Variants in KCNIP4 observed in about 807,000 individuals in gnomAD.
KCNIP4 encodes the protein potassium voltage-gated channel interacting protein 4.
A neutral mutation model predicts 34.0 loss-of-function variants in KCNIP4; 12 were observed. That is an observed-to-expected ratio of 0.35 (90% CI 0.23 to 0.57). The LOEUF is 0.57. Among genes scored for constraint, KCNIP4 ranks in the 20% least tolerant of loss-of-function variants. The pLI is 0.83. For synonymous variants in KCNIP4, 124 were observed against 102.2 expected, an observed-to-expected ratio of 1.21 and a Z score of -1.29; for missense variants, 238 against 311.7, an observed-to-expected ratio of 0.76 and a Z score of 1.78.
intron 1 of KCNIP4, among the ~76,000 whole-genome samples, chr4:21,677,528 G>A (rs913467978): frequency 2.0e-5 from 3 of 152,080 alleles, no homozygotes; most frequent in Admixed American, 6.5e-5. Context: ...GCCATCTGCT[G>A]CCAATAGGGT....
At chr4:21,696,158 T>C (rs1453098284) in intron 1 of KCNIP4, among the ~76,000 whole-genome samples, 1 of 152,178 alleles carries the variant, frequency 6.6e-6, no homozygotes, top group Non-Finnish European at 1.5e-5. Context: ...TTAATATCTA[T>C]TAATATTTGA....
At chr4:20,872,458 C>A (rs1277287549) in intron 2 of KCNIP4, among the ~76,000 whole-genome samples, 1 of 151,966 alleles carries the variant, frequency 6.6e-6, no homozygotes, top group East Asian at 1.9e-4. Flanking sequence ...AAACTTGAAC[C>A]CTGCAATCTA....
chr4:21,606,311 T>C (rs556265409), intron 1 of KCNIP4, among the ~76,000 whole-genome samples: 150 of 152,254 alleles, frequency 9.9e-4, no homozygotes, highest in African/African-American at 3.3e-3. Flanking sequence ...AACATATCAC[T>C]GAGGATGGAT....
intron 1 of KCNIP4, among the ~76,000 whole-genome samples, chr4:21,927,075 C>T (rs951078522): frequency 2.0e-5 from 3 of 152,138 alleles, no homozygotes; most frequent in Admixed American, 6.5e-5. Context: ...TTTAAGGCCA[C>T]CTACATTCCT....
At chr4:21,750,062 G>A (rs1034344560) in intron 1 of KCNIP4, among the ~76,000 whole-genome samples, 2 of 152,096 alleles carry the variant, frequency 1.3e-5, no homozygotes, top group African/African-American at 4.8e-5. Flanking sequence ...CCTTCAGAGT[G>A]GAATGATGAA....
intron 1 of KCNIP4, among the ~76,000 whole-genome samples, chr4:21,273,839 C>T (rs1762292867): frequency 6.6e-6 from 1 of 152,180 alleles, no homozygotes; most frequent in Admixed American, 6.5e-5. Context: ...GCACTTTCCA[C>T]ACTTCATGTA....
At chr4:20,875,775 G>C (rs1418384098) in intron 2 of KCNIP4, among the ~76,000 whole-genome samples, 10 of 151,998 alleles carry the variant, frequency 6.6e-5, no homozygotes, top group Admixed American at 6.6e-4. Context: ...CAACATGTTG[G>C]CCATTCAAGT....
At chr4:21,404,543 C>A (rs115230099) in intron 1 of KCNIP4, among the ~76,000 whole-genome samples, 1,943 of 152,202 alleles carry the variant, frequency 0.013, 16 homozygotes, top group Non-Finnish European at 0.02. Context: ...CACACACACA[C>A]AATATGAGCT....
chr4:21,581,327 T>G (rs1391485984), intron 1 of KCNIP4, among the ~76,000 whole-genome samples: 12 of 151,996 alleles, frequency 7.9e-5, no homozygotes, highest in Admixed American at 7.9e-4. Context: ...TGGCCTCTTC[T>G]GAAACATCTG....
intron 5 of KCNIP4, among the ~76,000 whole-genome samples, chr4:20,742,307 A>G (rs1004786048): frequency 7.2e-5 from 11 of 152,206 alleles, no homozygotes; most frequent in African/African-American, 2.7e-4. Flanking sequence ...ACATCGATGC[A>G]AAAATCCTCA....
At chr4:21,086,783 C>T (rs902336527) in intron 1 of KCNIP4, among the ~76,000 whole-genome samples, 5 of 152,026 alleles carry the variant, frequency 3.3e-5, no homozygotes, top group African/African-American at 1.2e-4. Flanking sequence ...AGTTCTTTCT[C>T]TCTGTTGGTT....
Position 21,714,786 on chromosome 4 carries a change from A to ACCTT in KCNIP4, c.61+233784_61+233785insAAGG, listed in dbSNP as rs778595133. ...AGAATGTGTTAGTAATTTCCCTTTG[A>ACCTT]TTATTTTATTTTATTTTATTTTATT... On this transcript the variant is annotated intron_variant, in intron 1 of 8. Coordinates refer to ENST00000382152, the MANE Select transcript of KCNIP4 (RefSeq NM_025221.6). Among the ~76,000 whole-genome samples the ACCTT allele has an allele frequency of 1.7e-4, 8 of 46,238 alleles. 1 individual carries two copies. Among genetic ancestry groups the ACCTT allele is most frequent in the East Asian group, 1.7e-3 (2 of 1,210 alleles). 30.3% of individuals were successfully genotyped at this position (46,238 alleles called of 152,430 possible).
At chr4:21,343,048 C>T (rs1328496766) in intron 1 of KCNIP4, among the ~76,000 whole-genome samples, 1 of 152,068 alleles carries the variant, frequency 6.6e-6, no homozygotes, top group Non-Finnish European at 1.5e-5. Flanking sequence ...ATGCTTCAGC[C>T]TGTTTGGAAC....
intron 1 of KCNIP4, among the ~76,000 whole-genome samples, chr4:21,254,943 C>T (rs1331068741): frequency 6.6e-6 from 1 of 152,166 alleles, no homozygotes; most frequent in East Asian, 1.9e-4. Flanking sequence ...ATCACTGCCA[C>T]CCGTCCCCAG....
At chr4:21,070,400 A>G (rs1275075869) in intron 1 of KCNIP4, among the ~76,000 whole-genome samples, 1 of 89,188 alleles carries the variant, frequency 1.1e-5, no homozygotes, top group Non-Finnish European at 2.6e-5. Context: ...TTTTTTTTTT[A>G]AAGTGTCCAA....
intron 1 of KCNIP4, among the ~76,000 whole-genome samples, chr4:21,700,527 A>G (rs1712747709): frequency 6.6e-6 from 1 of 151,396 alleles, no homozygotes; most frequent in Non-Finnish European, 1.5e-5. Context: ...TTTTCTCCCA[A>G]TTGTGGGTTA....
At position 21,259,946 on chromosome 4, in the gene KCNIP4, A is replaced by C. The variant is rs547482615; in HGVS notation, c.62-377237T>G. Among the ~76,000 whole-genome samples the C allele has an allele frequency of 3.4e-5, 5 of 146,492 alleles. No homozygotes were observed. In the South Asian group the frequency reaches 1.1e-3, roughly 32 times the overall value. ...GCACGTGCGCTTATGTGCATTGTGCAATGTCTAAACACTCAAACAGGATAT... is the reference window on the plus strand; with the variant it reads ...GCACGTGCGCTTATGTGCATTGTGCCATGTCTAAACACTCAAACAGGATAT... On this transcript the variant is annotated intron_variant, in intron 1 of 8. Transcript: ENST00000382152.
At chr4:21,253,967 T>C (rs1228187684) in intron 1 of KCNIP4, among the ~76,000 whole-genome samples, 3 of 152,200 alleles carry the variant, frequency 2.0e-5, no homozygotes, top group African/African-American at 7.2e-5. Flanking sequence ...GGTTGTGCAA[T>C]TCCATTTATA....
intron 1 of KCNIP4, among the ~76,000 whole-genome samples, chr4:21,466,667 G>A (rs1425104081): frequency 6.6e-6 from 1 of 152,106 alleles, no homozygotes; most frequent in African/African-American, 2.4e-5. Flanking sequence ...AGGGTATAAA[G>A]CATTGCTTCT....
Sources: allele counts gnomAD v4.1 joint callset (sites outside exome capture counted in the v4.1 genomes callset), GRCh38; gene constraint gnomAD v4.1.1; transcripts MANE v1.5; gene names NCBI Gene and HGNC (gene_info 2026-07-23, HGNC 2026-07-21).